The following NKAIN3 variants were observed in gnomAD, a reference collection of about 807,000 sequenced individuals.
NKAIN3 encodes the protein sodium/potassium transporting ATPase interacting 3, also known as sodium/potassium-transporting ATPase subunit beta-1-interacting protein 3.
A neutral mutation model predicts 30.2 loss-of-function variants in NKAIN3; 25 were observed. The ratio of observed to expected loss-of-function variants is 0.83; its 90% CI spans 0.60 to 1.16. The LOEUF (loss-of-function observed/expected upper bound fraction) is 1.16. Ranked by LOEUF, NKAIN3 falls within the 50% of genes most tolerant of loss-of-function variation. The pLI, the probability that NKAIN3 is intolerant of heterozygous loss-of-function variation, is 0.00. For synonymous variants in NKAIN3, 91 were observed against 89.6 expected, an observed-to-expected ratio of 1.02 and a Z score of -0.09; for missense variants, 225 against 254.1, an observed-to-expected ratio of 0.89 and a Z score of 0.78.
intron 3 of NKAIN3, among the ~76,000 whole-genome samples, chr8:62,721,078 G>A (rs1815073534): frequency 6.6e-6 from 1 of 152,136 alleles, no homozygotes; most frequent in African/African-American, 2.4e-5. Context: ...TAAAATTTAT[G>A]TCACACATGC....
At position 62,593,569 on chromosome 8, in the gene NKAIN3, A is replaced by AT. The variant is rs1183189827; in HGVS notation, c.273+3777dup. ...TCCAAAAAAAGAAGAAACAATACAA[A>AT]TTATCAATTCATTAAAGAAAGAAGT... On this transcript the variant is annotated intron_variant, in intron 3 of 6. Coordinates refer to ENST00000623646, the MANE Select transcript of NKAIN3 (RefSeq NM_001304533.3). 2.6e-5 allele frequency among the ~76,000 whole-genome samples: 4 copies of AT among 152,186 alleles called. No individual in the cohort carries two copies. In the South Asian group the frequency reaches 6.2e-4, roughly 24 times the overall value.
At chr8:62,708,896 T>C (rs1814626202) in intron 3 of NKAIN3, among the ~76,000 whole-genome samples, 2 of 152,274 alleles carry the variant, frequency 1.3e-5, no homozygotes, top group South Asian at 4.1e-4. Context: ...GGTATGTCCC[T>C]TGTATGCAGA....
rs543972773 is a variant in NKAIN3 at position 62,348,433 on chromosome 8, A to G, written c.54+99306A>G. Among the ~76,000 whole-genome samples, 9 of 152,340 alleles carry G rather than the reference A, an allele frequency of 5.9e-5. No homozygotes were observed. The East Asian group carries it at 1.3e-3, about 23-fold the overall frequency. Reference sequence around the variant, plus strand: ...TGATGGAAAAGACAGACAAGATGATATACTTTGTTAGAAATCAACCTCCAA... The same window carrying G: ...TGATGGAAAAGACAGACAAGATGATGTACTTTGTTAGAAATCAACCTCCAA... On this transcript the variant is annotated intron_variant, in intron 1 of 6. Transcript: ENST00000623646.
At chr8:62,527,604 G>A (rs1025481627) in intron 1 of NKAIN3, among the ~76,000 whole-genome samples, 4 of 152,038 alleles carry the variant, frequency 2.6e-5, no homozygotes, top group East Asian at 3.9e-4. Flanking sequence ...CTCAGTTTAC[G>A]TTCCTATATT....
intron 1 of NKAIN3, among the ~76,000 whole-genome samples, chr8:62,413,563 A>G (rs183777166): frequency 1.3e-5 from 2 of 152,318 alleles, no homozygotes; most frequent in East Asian, 3.9e-4. Flanking sequence ...TCCCAATTCC[A>G]TTTTAATCAA....
chr8:62,777,627 AC>A (rs1268686874), intron 4 of NKAIN3, among the ~76,000 whole-genome samples: 1 of 152,156 alleles, frequency 6.6e-6, no homozygotes, highest in Non-Finnish European at 1.5e-5. Flanking sequence ...TTGAAATTCC[AC>A]CAAAAAGCTA....
At chr8:62,870,691 C>CAGATATATAGA (rs1563604428) in intron 4 of NKAIN3, among the ~76,000 whole-genome samples, 2 of 116,542 alleles carry the variant, frequency 1.7e-5, no homozygotes, top group Non-Finnish European at 3.4e-5. Flanking sequence ...CTATATCTCT[C>CAGATATATAGA]TATCTATATA....
At chr8:62,827,484 G>T (rs1819062936) in intron 4 of NKAIN3, among the ~76,000 whole-genome samples, 1 of 152,146 alleles carries the variant, frequency 6.6e-6, no homozygotes. Flanking sequence ...GCTAGAATGT[G>T]AAGAATACAT....
intron 1 of NKAIN3, among the ~76,000 whole-genome samples, chr8:62,381,041 A>G (rs1325424436): frequency 6.6e-6 from 1 of 152,226 alleles, no homozygotes; most frequent in Non-Finnish European, 1.5e-5. Flanking sequence ...GCTTTAAAAA[A>G]TATCAATTAC....
chr8:62,457,849 A>G (rs1585830462), intron 1 of NKAIN3, among the ~76,000 whole-genome samples: 2 of 152,148 alleles, frequency 1.3e-5, no homozygotes, highest in Admixed American at 6.6e-5. Context: ...ATCTGCTTGT[A>G]CTTAATTTTT....
chr8:62,327,443 G>C (rs1483054602), intron 1 of NKAIN3, among the ~76,000 whole-genome samples: 1 of 151,974 alleles, frequency 6.6e-6, no homozygotes, highest in South Asian at 2.1e-4. Context: ...GAATTTCATA[G>C]GTTAGCTGTA....
At chr8:62,431,072 A>G (rs1038054954) in intron 1 of NKAIN3, among the ~76,000 whole-genome samples, 1 of 151,896 alleles carries the variant, frequency 6.6e-6, no homozygotes, top group Non-Finnish European at 1.5e-5. Flanking sequence ...ATAGCATTTT[A>G]CAAATATGTT....
At chr8:62,288,149 G>T in intron 1 of NKAIN3, among the ~76,000 whole-genome samples, 1 of 152,072 alleles carries the variant, frequency 6.6e-6, no homozygotes, top group Admixed American at 6.6e-5. Flanking sequence ...TTCTGCCTTT[G>T]GGTCTATATA....
At chr8:62,836,170 T>C (rs929994743) in intron 4 of NKAIN3, among the ~76,000 whole-genome samples, 1 of 151,948 alleles carries the variant, frequency 6.6e-6, no homozygotes, top group Admixed American at 6.6e-5. Flanking sequence ...CAGTAAACAC[T>C]AACGGAATAC....
At chr8:62,952,174 T>A (rs1359180652) in intron 5 of NKAIN3, among the ~76,000 whole-genome samples, 1 of 152,132 alleles carries the variant, frequency 6.6e-6, no homozygotes, top group Admixed American at 6.5e-5. Flanking sequence ...CATAATCTAA[T>A]TAAGTAGTAA....
At chr8:62,711,255 G>A (rs1016046137) in intron 3 of NKAIN3, among the ~76,000 whole-genome samples, 1 of 152,164 alleles carries the variant, frequency 6.6e-6, no homozygotes, top group Non-Finnish European at 1.5e-5. Context: ...GTTGTTCTTT[G>A]TGCTTCTTGT....
rs555519358 is a variant in NKAIN3, at chr8:62,906,098, C to T, written c.472-12355C>T. On this transcript the variant is annotated intron_variant, in intron 4 of 6. Coordinates refer to ENST00000623646, the MANE Select transcript of NKAIN3 (RefSeq NM_001304533.3). ...GTAACACAACCCACAAGTGTGCGAG[C>T]ATCCATCAAGGCCCAAGAGGCATGA... Among the ~76,000 whole-genome samples, 399 of 152,268 alleles carry T rather than the reference C, an allele frequency of 2.6e-3. 5 individuals are homozygous for T. The highest frequency in any genetic ancestry group is 1.4e-3 in the Non-Finnish European group (94 of 68,016).
At chr8:62,272,511 C>T (rs144120847) in intron 1 of NKAIN3, among the ~76,000 whole-genome samples, 14 of 152,292 alleles carry the variant, frequency 9.2e-5, no homozygotes, top group South Asian at 2.1e-4. Flanking sequence ...AAGTAATTGG[C>T]GACTTTGTTG....
Position 62,815,129 on chromosome 8 carries a change from A to G in NKAIN3, c.471+68000A>G, listed in dbSNP as rs891239403. 1.8e-4 allele frequency among the ~76,000 whole-genome samples: 28 copies of G among 152,176 alleles called. 1 individual carries two copies. Among genetic ancestry groups the G allele is most frequent in the Non-Finnish European group, 2.8e-4 (19 of 68,032 alleles). ...AAACTAGAAAATCTAGAAGAAATGGATAAATTCCTTGACACATACACCCTC... is the reference window on the plus strand; with the variant it reads ...AAACTAGAAAATCTAGAAGAAATGGGTAAATTCCTTGACACATACACCCTC... On this transcript the variant is annotated intron_variant, in intron 4 of 6. Coordinates refer to ENST00000623646, the MANE Select transcript of NKAIN3 (RefSeq NM_001304533.3).
Sources: allele counts gnomAD v4.1 joint callset (sites outside exome capture counted in the v4.1 genomes callset), GRCh38; gene constraint gnomAD v4.1.1; transcripts MANE v1.5; gene names NCBI Gene and HGNC (gene_info 2026-07-23, HGNC 2026-07-21).